Variants in PDZRN3 observed in about 807,000 individuals in gnomAD.
PDZRN3 encodes PDZ domain containing ring finger 3, also known as E3 ubiquitin-protein ligase PDZRN3.
A neutral mutation model predicts 85.7 loss-of-function variants in PDZRN3; 38 were observed. That is an observed-to-expected ratio of 0.44 (90% CI 0.34 to 0.58). The LOEUF (loss-of-function observed/expected upper bound fraction) is 0.58, where lower values mean the gene tolerates loss of function less well. Among genes scored for constraint, PDZRN3 ranks in the 20% least tolerant of loss-of-function variants. The pLI is 0.01. For synonymous variants in PDZRN3, 759 were observed against 638.0 expected (o/e 1.19, Z -2.86); for missense variants, 1,629 against 1,506.4 (o/e 1.08, Z -1.35).
Position 73,624,714 on chromosome 3 carries a change from AGAAGACGT to A in PDZRN3, c.104_111del (p.His35LeufsTer171), listed in dbSNP as rs1559762486. ...ACCCAGGGCAGCACGCAGCCGGCGC[AGAAGACGT>A]GGCCGCACGGCGTGGTCAGCGGGTC... On this transcript the variant is annotated frameshift_variant, in exon 1 of 10. Transcript: ENST00000263666. LOFTEE classifies it high-confidence loss of function. 1 of 1,529,794 alleles carries A rather than the reference AGAAGACGT, an allele frequency of 6.5e-7. No individual in the cohort carries two copies. The highest frequency in any genetic ancestry group is 8.7e-7 in the Non-Finnish European group (1 of 1,146,042). 94.8% of individuals were successfully genotyped at this position (1,529,794 alleles called of 1,614,324 possible).
chr3:73,386,843 T>C lies in PDZRN3; in HGVS notation c.1519-1058A>G, dbSNP rs761417829. ...TCTGTGGAGAATCAGATGCCCCGTA[T>C]GCCACTGTCTGTCTCTCGGCTTTTT... On this transcript the variant is annotated intron_variant, in intron 8 of 9. Coordinates refer to ENST00000263666, the MANE Select transcript of PDZRN3 (RefSeq NM_015009.3). Among the ~76,000 whole-genome samples, 165 of 119,786 alleles carry C rather than the reference T, an allele frequency of 1.4e-3. 1 individual carries two copies. Among genetic ancestry groups the C allele is most frequent in the Non-Finnish European group, 2.1e-3 (124 of 60,190 alleles). The allele number at this position is 119,786 out of a possible 152,430, so 78.6% of individuals were successfully genotyped here.
chr3:73,555,902 A>C (rs1433408833), intron 3 of PDZRN3, among the ~76,000 whole-genome samples: 3 of 152,226 alleles, frequency 2.0e-5, no homozygotes, highest in African/African-American at 7.2e-5. Flanking sequence ...TACACACATA[A>C]ATTCAATTGT....
chr3:73,562,838 A>C (rs1235269574), intron 3 of PDZRN3, among the ~76,000 whole-genome samples: 2 of 151,614 alleles, frequency 1.3e-5, no homozygotes, highest in African/African-American at 2.4e-5. Flanking sequence ...CACTTCTCAC[A>C]TTAAGAATGA....
intron 3 of PDZRN3, chr3:73,433,947 CACAG>C: frequency 1.5e-6 from 2 of 1,368,476 alleles, no homozygotes; most frequent in South Asian, 1.9e-5. Flanking sequence ...CACACATACA[CACAG>C]ACATACACGC....
At chr3:73,385,072 G>T in intron 9 of PDZRN3, 142 bp from the exon 10 acceptor site, 1 of 910,316 alleles carries the variant, frequency 1.1e-6, no homozygotes, top group Non-Finnish European at 1.6e-6. Context: ...GTAGGACCAC[G>T]TCAATAGCGT....
rs764013235 is a variant in PDZRN3, at chr3:73,383,399, A to G, written c.3167T>C (p.Val1056Ala). ...AGTCACCGATAGGAAGGAATTGTAT[A>G]CTCTAGTGCCGTCCGGGGATTTTGT... ...HGTKSPDGTRVYNSFLSVTTV is the reference protein window; with the variant it reads ...HGTKSPDGTRAYNSFLSVTTV Residue 1056 changes from valine to alanine, a missense_variant, in exon 10 of 10, where the codon GTA (valine) becomes GCA (alanine). Val to Ala is a moderately conservative substitution (Grantham distance 64). Transcript: ENST00000263666. The G allele has an allele frequency of 1.2e-6, 2 of 1,613,452 alleles. No individual in the cohort carries two copies. The highest frequency in any genetic ancestry group is 1.7e-6 in the Non-Finnish European group (2 of 1,179,628).
At chr3:73,387,474 T>C (rs949909365) in intron 8 of PDZRN3, among the ~76,000 whole-genome samples, 1 of 152,216 alleles carries the variant, frequency 6.6e-6, no homozygotes, top group African/African-American at 2.4e-5. Context: ...TTCCATCTCC[T>C]GGGAAGGCTC....
intron 3 of PDZRN3, among the ~76,000 whole-genome samples, chr3:73,455,532 T>C (rs966602094): frequency 2.0e-5 from 3 of 152,210 alleles, no homozygotes; most frequent in Non-Finnish European, 4.4e-5. Context: ...AATCTACTTT[T>C]TTAGCCTGCA....
In PDZRN3 at chr3:73,511,063, G is replaced by A. The variant is rs138751054; in HGVS notation, c.918+91291C>T. On this transcript the variant is annotated intron_variant, in intron 3 of 9. Transcript: ENST00000263666. ...GATATCGCTTTTAACATATACAAAG[G>A]GAGAAAACAAAACACTGAAGGCAGA... is the stretch of plus-strand genomic sequence containing the variant. Among the ~76,000 whole-genome samples the A allele has an allele frequency of 3.2e-3, 492 of 152,172 alleles. 2 individuals carry two copies. The highest frequency in any genetic ancestry group is 0.012 in the African/African-American group (478 of 41,526).
intron 3 of PDZRN3, among the ~76,000 whole-genome samples, chr3:73,595,134 A>G (rs1323641171): frequency 6.6e-6 from 1 of 152,190 alleles, no homozygotes; most frequent in East Asian, 1.9e-4. Flanking sequence ...TATAAGAAGA[A>G]ACTCTAGCTT....
At chr3:73,469,062 GA>G (rs893704360) in intron 3 of PDZRN3, among the ~76,000 whole-genome samples, 4 of 150,596 alleles carry the variant, frequency 2.7e-5, no homozygotes, top group Admixed American at 1.3e-4. Context: ...TTTCTTTCAA[GA>G]AAAAAAGATT....
Position 73,624,640 on chromosome 3 carries a change from G to C in PDZRN3, c.186C>G (p.Ala62=). The C allele has an allele frequency of 1.3e-6, 2 of 1,550,934 alleles. No individual in the cohort carries two copies. The highest frequency in any genetic ancestry group is 1.7e-6 in the Non-Finnish European group (2 of 1,152,234). ...GCGGCAGGACGTGGTTGAGCTCTTT[G>C]GCCGACAGGCGACCGCGGCAGCGCG... is the stretch of plus-strand genomic sequence containing the variant. ...CPARCRGRLS[A]KELNHVLPLK... The change falls in exon 1 of 10, where the codon GCC becomes GCG. Residue 62 remains alanine (A), a synonymous_variant. Coordinates refer to ENST00000263666, the MANE Select transcript of PDZRN3 (RefSeq NM_015009.3).
At chr3:73,620,075 A>T (rs1702830693) in intron 1 of PDZRN3, among the ~76,000 whole-genome samples, 3 of 152,024 alleles carry the variant, frequency 2.0e-5, no homozygotes, top group Admixed American at 6.6e-5. Context: ...TCAGCCTCCC[A>T]CCCCCATCAC....
chr3:73,429,547 C>T (rs1702388138), intron 3 of PDZRN3, among the ~76,000 whole-genome samples: 1 of 152,192 alleles, frequency 6.6e-6, no homozygotes, highest in Admixed American at 6.5e-5. Context: ...CAGACTTCTC[C>T]ATAAACTTGA....
intron 3 of PDZRN3, among the ~76,000 whole-genome samples, chr3:73,489,027 C>T (rs1294814198): frequency 6.6e-6 from 1 of 152,216 alleles, no homozygotes; most frequent in Non-Finnish European, 1.5e-5. Context: ...TATCTTTGGG[C>T]ATCATGCATT....
chr3:73,602,684 C>T (rs147600216), intron 2 of PDZRN3, among the ~76,000 whole-genome samples: 16 of 152,332 alleles, frequency 1.1e-4, no homozygotes, highest in African/African-American at 3.8e-4. Context: ...CCTGCCATCT[C>T]CAACCCATTG....
chr3:73,608,764 C>T (rs1254277693), intron 1 of PDZRN3, 80 bp from the exon 2 acceptor site: 3 of 821,428 alleles, frequency 3.7e-6, no homozygotes, highest in South Asian at 3.0e-5. Flanking sequence ...TCTAAGTGTA[C>T]TCAAGGACTA....
intron 2 of PDZRN3, among the ~76,000 whole-genome samples, chr3:73,606,769 A>G (rs1230047158): frequency 1.8e-4 from 28 of 152,244 alleles, no homozygotes; most frequent in Admixed American, 1.8e-3. Context: ...CATCATTTTA[A>G]CAACTGCAAA....
chr3:73,494,754 G>A (rs1281919684), intron 3 of PDZRN3, among the ~76,000 whole-genome samples: 1 of 152,158 alleles, frequency 6.6e-6, no homozygotes, highest in Non-Finnish European at 1.5e-5. Context: ...GGACACTTAT[G>A]TAGTCTCAGT....
Sources: gnomAD v4.1 joint callset for allele counts (sites outside exome capture counted in the v4.1 genomes callset) on GRCh38, gnomAD v4.1.1 for gene constraint, MANE v1.5 for transcripts, NCBI Gene and HGNC (gene_info 2026-07-23, HGNC 2026-07-21) for gene names.